The following GK5 variants were observed in gnomAD, a reference collection of about 807,000 sequenced individuals.
GK5 encodes ATP:glycerol 3-phosphotransferase 5.
In GK5, 39 loss-of-function variants were observed where a neutral mutation model predicts 77.3. That is an observed-to-expected ratio of 0.50 (90% CI 0.39 to 0.66). The LOEUF is 0.66. GK5 is among the 30% of genes least tolerant of loss of function. The probability of loss-of-function intolerance (pLI) is 0.00; values close to 1 mark genes in which losing one functional copy is unlikely to be tolerated. For synonymous variants in GK5, 211 were observed against 208.0 expected, an observed-to-expected ratio of 1.01 and a Z score of -0.13; for missense variants, 487 against 633.8, an observed-to-expected ratio of 0.77 and a Z score of 2.49.
At chr3:142,212,734 T>C (rs1191759206) in intron 3 of GK5, among the ~76,000 whole-genome samples, 1 of 152,030 alleles carries the variant, frequency 6.6e-6, no homozygotes, top group Non-Finnish European at 1.5e-5. Flanking sequence ...TAATGGAACT[T>C]GGGACTGTCA....
chr3:142,223,024 G>A (rs541615894), intron 1 of GK5, among the ~76,000 whole-genome samples: 2 of 152,172 alleles, frequency 1.3e-5, no homozygotes, highest in Admixed American at 1.3e-4. Context: ...TATCCGGGAA[G>A]AGCAGGCATT....
At chr3:142,181,285 C>A (rs2063694047) in intron 11 of GK5, among the ~76,000 whole-genome samples, 176 bp downstream of exon 11, 1 of 152,106 alleles carries the variant, frequency 6.6e-6, no homozygotes, top group African/African-American at 2.4e-5. Context: ...GTCTTTAAGA[C>A]CTAGCCTTTT....
At chr3:142,203,500 C>A (rs912818291) in intron 4 of GK5, among the ~76,000 whole-genome samples, 1 of 152,184 alleles carries the variant, frequency 6.6e-6, no homozygotes, top group Non-Finnish European at 1.5e-5. Context: ...ATGGGCCAGG[C>A]GCGATGACTG....
intron 11 of GK5, among the ~76,000 whole-genome samples, chr3:142,178,585 C>G (rs1446635709): frequency 3.3e-5 from 5 of 152,194 alleles, no homozygotes; most frequent in Admixed American, 6.5e-5. Context: ...CACACTGTTA[C>G]ATGTAGTTGT....
chr3:142,198,438 C>T (rs1425234253), intron 5 of GK5, among the ~76,000 whole-genome samples: 1 of 151,758 alleles, frequency 6.6e-6, no homozygotes, highest in Non-Finnish European at 1.5e-5. Flanking sequence ...CATGGTGAAA[C>T]CTCATCTCTA....
intron 12 of GK5, chr3:142,173,255 G>A (rs2063563863): frequency 2.5e-6 from 1 of 404,106 alleles, no homozygotes; most frequent in African/African-American, 2.1e-5. Flanking sequence ...TAGCCTTACT[G>A]CCTAATATCA....
chr3:142,171,962 G>A (rs1305149197), intron 13 of GK5, among the ~76,000 whole-genome samples: 1 of 152,048 alleles, frequency 6.6e-6, no homozygotes, highest in African/African-American at 2.4e-5. Context: ...AAAGATTACA[G>A]GGAAATATGC....
chr3:142,225,366 C>T lies in GK5; in HGVS notation c.90G>A (p.Val30=). Residue 30 remains valine (V), a synonymous_variant, in exon 1 of 16, where the codon GTG becomes GTA. Transcript: ENST00000392993. ...CCCGGTCATAGACGTGGCAGCGGATCACAGAACTGCCCACATCCAGCCCCA... is the reference window on the plus strand; with the variant it reads ...CCCGGTCATAGACGTGGCAGCGGATTACAGAACTGCCCACATCCAGCCCCA... ...FVLGLDVGSS[V]IRCHVYDRAA... 1 of 1,584,638 alleles carries T rather than the reference C, an allele frequency of 6.3e-7. No individual in the cohort carries two copies. The highest frequency in any genetic ancestry group is 1.8e-5 in the Admixed American group (1 of 56,418).
At chr3:142,182,406 G>A (rs541589431) in intron 10 of GK5, among the ~76,000 whole-genome samples, 22 of 151,800 alleles carry the variant, frequency 1.4e-4, no homozygotes, top group African/African-American at 4.8e-4. Context: ...GTGCAGTGGC[G>A]CGATCTTGGC....
chr3:142,168,380 C>G (rs939129286), intron 15 of GK5, among the ~76,000 whole-genome samples: 12 of 152,104 alleles, frequency 7.9e-5, no homozygotes, highest in African/African-American at 2.7e-4. Flanking sequence ...TCTTCAACTT[C>G]AATCAAACGT....
rs1208945033 is a variant in GK5 at position 142,164,252 on chromosome 3, A to G, written c.*1370T>C. The G allele has an allele frequency of 6.6e-6, 1 of 152,230 alleles. No individual in the cohort carries two copies. Among genetic ancestry groups the G allele is most frequent in the Admixed American group, 6.5e-5 (1 of 15,288 alleles). 9.4% of individuals were successfully genotyped at this position (152,230 alleles called of 1,614,324 possible). A position where few individuals can be genotyped will look rare whatever the true frequency, so the allele number is the denominator to read the frequency against. Reference sequence around the variant, plus strand: ...AAAATTCTCTATAAATCTCTCCATTAGTTACATTACTATGTAACTAAAATA... The same window carrying G: ...AAAATTCTCTATAAATCTCTCCATTGGTTACATTACTATGTAACTAAAATA... On this transcript the variant is annotated 3_prime_UTR_variant, in exon 16 of 16. Coordinates refer to ENST00000392993, the MANE Select transcript of GK5 (RefSeq NM_001039547.3).
intron 14 of GK5, among the ~76,000 whole-genome samples, chr3:142,171,128 T>G (rs1047659108): frequency 6.6e-6 from 1 of 151,968 alleles, no homozygotes; most frequent in Non-Finnish European, 1.5e-5. Flanking sequence ...CTACTCGGGA[T>G]AGTGAGGCAT....
Position 142,165,746 on chromosome 3 carries a change from A to G in GK5, c.1466T>C (p.Leu489Pro), listed in dbSNP as rs1398694373. Reference sequence around the variant, plus strand: ...CACTTCACTTTGTCTCAGTTTCTTTAGTTCCTCCTTGTCAGTCCAAAACCC... The same window carrying G: ...CACTTCACTTTGTCTCAGTTTCTTTGGTTCCTCCTTGTCAGTCCAAAACCC... ...AVGFWTDKEELKKLRQSEVVF... is the reference protein window; with the variant it reads ...AVGFWTDKEEPKKLRQSEVVF... Residue 489 changes from leucine (L) to proline (P), a missense_variant, in exon 16 of 16, where the codon CTA becomes CCA. By Grantham distance (98) the Leu-to-Pro change is moderately conservative. Coordinates refer to ENST00000392993, the MANE Select transcript of GK5 (RefSeq NM_001039547.3). The G allele has an allele frequency of 1.2e-6, 2 of 1,612,098 alleles. No homozygotes were observed. The highest frequency in any genetic ancestry group is 1.7e-6 in the Non-Finnish European group (2 of 1,179,094).
At chr3:142,167,511 C>A (rs1049188516) in intron 15 of GK5, among the ~76,000 whole-genome samples, 6 of 152,176 alleles carry the variant, frequency 3.9e-5, no homozygotes, top group Non-Finnish European at 8.8e-5. Flanking sequence ...TTAAAATCCT[C>A]ATTTCCAGAA....
At chr3:142,174,225 A>G (rs2108782758) in intron 12 of GK5, among the ~76,000 whole-genome samples, 1 of 152,352 alleles carries the variant, frequency 6.6e-6, no homozygotes, top group East Asian at 1.9e-4. Flanking sequence ...TGGTGAATAA[A>G]TGAACAAACA....
chr3:142,186,340 C>A, intron 7 of GK5, 73 bp from the exon 8 acceptor site: 1 of 1,020,212 alleles, frequency 9.8e-7, no homozygotes, highest in East Asian at 2.5e-5. Flanking sequence ...ATCAAAACAT[C>A]ATGTTGTACA....
intron 3 of GK5, among the ~76,000 whole-genome samples, chr3:142,206,276 C>T (rs1456278274): frequency 6.6e-6 from 1 of 152,016 alleles, no homozygotes; most frequent in Non-Finnish European, 1.5e-5. Flanking sequence ...AGGTATATAC[C>T]TAGAAGTGGA....
rs913483608 is a variant in GK5, at chr3:142,163,696, T to G, written c.*1926A>C. On this transcript the variant is annotated 3_prime_UTR_variant, in exon 16 of 16. Coordinates refer to ENST00000392993, the MANE Select transcript of GK5 (RefSeq NM_001039547.3). ...CATTCTGACAAAAAGAATTATTTCC[T>G]ATGAAATTACACCCATTGGCTGGGT... is the stretch of plus-strand genomic sequence containing the variant. 4 of 152,160 alleles carry G rather than the reference T, an allele frequency of 2.6e-5. No homozygotes were observed. The highest frequency in any genetic ancestry group is 5.9e-5 in the Non-Finnish European group (4 of 68,024). The allele number at this position is 152,160 out of a possible 1,614,324, so 9.4% of individuals were successfully genotyped here.
rs2063415520 is a variant in GK5 at position 142,160,165 on chromosome 3, A to C, written c.*5457T>G. ...ACCTGGCCTTTTTCTCTCTTTTTTT[A>C]AATTGAGATGGGTGGGGTCTCACTA... On this transcript the variant is annotated 3_prime_UTR_variant, in exon 16 of 16. Transcript: ENST00000392993. 6.6e-6 allele frequency: 1 copy of C among 151,912 alleles called. No homozygotes were observed. The highest frequency in any genetic ancestry group is 2.4e-5 in the African/African-American group (1 of 41,254). 9.4% of individuals were successfully genotyped at this position (151,912 alleles called of 1,614,324 possible).
Sources: allele counts gnomAD v4.1 joint callset (sites outside exome capture counted in the v4.1 genomes callset), GRCh38; gene constraint gnomAD v4.1.1; transcripts MANE v1.5; gene names NCBI Gene and HGNC (gene_info 2026-07-23, HGNC 2026-07-21).